Variants in UBXN2B observed in about 807,000 individuals in gnomAD.
The protein encoded by UBXN2B is UBX domain protein 2B, also known as UBX domain-containing protein 2B.
A neutral mutation model predicts 37.5 loss-of-function variants in UBXN2B; 19 were observed. That is an observed-to-expected ratio of 0.51 (90% CI 0.35 to 0.74). UBXN2B has a LOEUF of 0.74. Among genes scored for constraint, UBXN2B ranks in the 30% least tolerant of loss-of-function variants. UBXN2B has a pLI of 0.01. For missense variants in UBXN2B, 370 were observed against 393.2 expected, an observed-to-expected ratio of 0.94 and a Z score of 0.50; for synonymous variants, 145 against 143.8, an observed-to-expected ratio of 1.01 and a Z score of -0.06.
chr8:58,431,744 T>A (rs1808281378), intron 3 of UBXN2B, among the ~76,000 whole-genome samples: 1 of 152,234 alleles, frequency 6.6e-6, no homozygotes, highest in African/African-American at 2.4e-5. Context: ...TATTTTTAAT[T>A]TTAGCCATTT....
chr8:58,427,022 C>T (rs920456437), intron 2 of UBXN2B, among the ~76,000 whole-genome samples: 5 of 152,234 alleles, frequency 3.3e-5, no homozygotes, highest in Admixed American at 1.3e-4. Context: ...AACACATAGT[C>T]ATCCCTTGAT....
chr8:58,414,408 A>G (rs1807719132), intron 1 of UBXN2B, among the ~76,000 whole-genome samples: 1 of 152,166 alleles, frequency 6.6e-6, no homozygotes, highest in Non-Finnish European at 1.5e-5. Flanking sequence ...ATATTTTGCT[A>G]TATACTTTAT....
intron 2 of UBXN2B, chr8:58,425,633 AG>A (rs1486963116): frequency 2.6e-6 from 3 of 1,132,740 alleles, no homozygotes; most frequent in Non-Finnish European, 4.0e-6. Context: ...TCTTCCGAAA[AG>A]CCTTGTTTGA....
intron 3 of UBXN2B, 137 bp downstream of exon 3, chr8:58,430,806 A>C: frequency 1.4e-6 from 1 of 719,296 alleles, no homozygotes; most frequent in Non-Finnish European, 1.9e-6. Context: ...TAAAATTATA[A>C]TATTTCTATT....
chr8:58,442,892 C>G (rs1808583543), intron 6 of UBXN2B, among the ~76,000 whole-genome samples: 1 of 152,196 alleles, frequency 6.6e-6, no homozygotes, highest in Non-Finnish European at 1.5e-5. Flanking sequence ...AAAGATTGTG[C>G]TTGCCACTCT....
chr8:58,447,638 A>G lies in UBXN2B; in HGVS notation c.*87A>G. On this transcript the variant is annotated 3_prime_UTR_variant, in exon 8 of 8. Coordinates refer to ENST00000399598, the MANE Select transcript of UBXN2B (RefSeq NM_001077619.2). Reference sequence around the variant, plus strand: ...ATACTTCAGCATTAAAAACAGCCAAATTATTTTTATTATTTTTACAGATAA... The same window carrying G: ...ATACTTCAGCATTAAAAACAGCCAAGTTATTTTTATTATTTTTACAGATAA... 1 of 1,189,762 alleles carries G rather than the reference A, an allele frequency of 8.4e-7. No individual in the cohort carries two copies. The highest frequency in any genetic ancestry group is 2.7e-5 in the East Asian group (1 of 36,800). 73.7% of individuals were successfully genotyped at this position (1,189,762 alleles called of 1,614,324 possible).
intron 2 of UBXN2B, among the ~76,000 whole-genome samples, chr8:58,424,359 TTTC>T (rs1808015578): frequency 6.6e-6 from 1 of 152,184 alleles, no homozygotes; most frequent in Non-Finnish European, 1.5e-5. Flanking sequence ...GTAGAGATGA[TTTC>T]TTCTTATCTG....
chr8:58,412,440 T>A (rs1359025770), intron 1 of UBXN2B, among the ~76,000 whole-genome samples: 3 of 152,218 alleles, frequency 2.0e-5, no homozygotes, highest in Admixed American at 2.0e-4. Context: ...TATGAATACT[T>A]AGCATAACAT....
chr8:58,444,651 C>T (rs949380489), intron 6 of UBXN2B, among the ~76,000 whole-genome samples: 3 of 152,182 alleles, frequency 2.0e-5, no homozygotes, highest in Non-Finnish European at 2.9e-5. Context: ...GTGTAAGGAA[C>T]GCTGGACTCT....
chr8:58,446,779 A>ATTTTGTTTTTTTTTTTT (rs1808682688), intron 7 of UBXN2B, among the ~76,000 whole-genome samples: 3 of 17,402 alleles, frequency 1.7e-4, no homozygotes, highest in Admixed American at 6.1e-4. Context: ...TACAACCTGC[A>ATTTTGTTTTTTTTTTTT]TTTTTTTTTT....
At chr8:58,434,963 A>G in intron 5 of UBXN2B, 4 of 1,535,318 alleles carry the variant, frequency 2.6e-6, no homozygotes, top group African/African-American at 2.7e-5. Context: ...GTTTGAAGTT[A>G]TAATTTGTGA....
At chr8:58,432,417 C>G (rs1422465835) in intron 3 of UBXN2B, among the ~76,000 whole-genome samples, 1 of 130,510 alleles carries the variant, frequency 7.7e-6, no homozygotes, top group African/African-American at 2.9e-5. Flanking sequence ...GGGTCTCGCT[C>G]TGTTGCCCAG....
At chr8:58,414,920 G>A (rs985056314) in intron 1 of UBXN2B, among the ~76,000 whole-genome samples, 1 of 152,022 alleles carries the variant, frequency 6.6e-6, no homozygotes, top group Admixed American at 6.6e-5. Flanking sequence ...TTGATTGGAA[G>A]CATTTATTCA....
chr8:58,425,162 A>C lies in UBXN2B; in HGVS notation c.189-5357A>C. 9.1e-6 allele frequency: 8 copies of C among 878,032 alleles called. No individual in the cohort carries two copies. The South Asian group carries it at 1.0e-4, about 12-fold the overall frequency. The allele number at this position is 878,032 out of a possible 1,614,324, so 54.4% of individuals were successfully genotyped here. A position where few individuals can be genotyped will look rare whatever the true frequency, so the allele number is the denominator to read the frequency against. On this transcript the variant is annotated intron_variant, in intron 2 of 7. Transcript: ENST00000399598. Reference sequence around the variant, plus strand: ...TCCATATTCCCTTGCCCAACCTTTGAAAGTTTAAGTTCTCTTAGCATATAG... The same window carrying C: ...TCCATATTCCCTTGCCCAACCTTTGCAAGTTTAAGTTCTCTTAGCATATAG...
At chr8:58,447,292 A>T in intron 7 of UBXN2B, 97 bp from the exon 8 acceptor site, 4 of 1,153,042 alleles carry the variant, frequency 3.5e-6, no homozygotes, top group Non-Finnish European at 4.7e-6. Flanking sequence ...CTTTATATAA[A>T]GATTAAAATT....
rs79843456 is a variant in UBXN2B, at chr8:58,446,394, C to T, written c.833+326C>T. 1.8e-4 allele frequency among the ~76,000 whole-genome samples: 28 copies of T among 152,028 alleles called. 1 individual carries two copies. The East Asian group carries it at 5.4e-3, about 29-fold the overall frequency. ...CAGATTTAATTTAACATAGTAAAAC[C>T]TTTTGGGGACTTTATTCATTTAAAA... On this transcript the variant is annotated intron_variant, in intron 7 of 7. Transcript: ENST00000399598.
Position 58,449,616 on chromosome 8 carries a change from T to A in UBXN2B, c.*2065T>A, listed in dbSNP as rs1808759100. The A allele has an allele frequency of 6.6e-6, 1 of 152,164 alleles. No homozygotes were observed. The highest frequency in any genetic ancestry group is 6.5e-5 in the Admixed American group (1 of 15,272). 9.4% of individuals were successfully genotyped at this position (152,164 alleles called of 1,614,324 possible). On this transcript the variant is annotated 3_prime_UTR_variant, in exon 8 of 8. Coordinates refer to ENST00000399598, the MANE Select transcript of UBXN2B (RefSeq NM_001077619.2). ...CAATAATAGTTACACACGTTCCTGTTCAAAAAGCAGAAACAGATGGAAAAA... is the reference window on the plus strand; with the variant it reads ...CAATAATAGTTACACACGTTCCTGTACAAAAAGCAGAAACAGATGGAAAAA...
chr8:58,441,079 A>T (rs879381672), intron 6 of UBXN2B, among the ~76,000 whole-genome samples: 1 of 148,470 alleles, frequency 6.7e-6, no homozygotes, highest in Non-Finnish European at 1.5e-5. Flanking sequence ...TGCAGCCTTG[A>T]CCTCCTGGGC....
intron 1 of UBXN2B, among the ~76,000 whole-genome samples, chr8:58,416,265 C>CG (rs1191981920): frequency 6.6e-6 from 1 of 151,804 alleles, no homozygotes. Flanking sequence ...ATAAACTATC[C>CG]AGCCAATATC....
Sources: allele counts gnomAD v4.1 joint callset (sites outside exome capture counted in the v4.1 genomes callset), GRCh38; gene constraint gnomAD v4.1.1; transcripts MANE v1.5; gene names NCBI Gene and HGNC (gene_info 2026-07-23, HGNC 2026-07-21).